PEPD: variants seen among roughly 807,000 people sequenced by gnomAD.
PEPD encodes the protein peptidase D.
PEPD carries 53 observed loss-of-function variants against 60.7 expected under a neutral mutation model. The observed-to-expected ratio is 0.87, with a 90% CI of 0.70 to 1.10. The LOEUF is 1.10. Among genes scored for constraint, PEPD ranks in the 50% least tolerant of loss-of-function variants. PEPD has a pLI of 0.00. For synonymous variants in PEPD, 267 were observed against 284.1 expected (o/e 0.94, Z 0.60); for missense variants, 711 against 711.9 (o/e 1.00, Z 0.01).
At chr19:33,485,209 C>A (rs958093182) in intron 6 of PEPD, among the ~76,000 whole-genome samples, 8 of 152,084 alleles carry the variant, frequency 5.3e-5, no homozygotes, top group African/African-American at 1.9e-4. Context: ...GAAAGCCAAT[C>A]CTGGCTGGGC....
At chr19:33,394,099 G>A (rs1307681395) in intron 12 of PEPD, among the ~76,000 whole-genome samples, 1 of 152,220 alleles carries the variant, frequency 6.6e-6, no homozygotes, top group Non-Finnish European at 1.5e-5. Context: ...CGCTGGGCCT[G>A]GCATAAAGTG....
intron 4 of PEPD, among the ~76,000 whole-genome samples, chr19:33,495,131 G>A (rs1470695387): frequency 6.6e-6 from 1 of 150,896 alleles, no homozygotes; most frequent in African/African-American, 2.4e-5. Flanking sequence ...GCAAGACTCC[G>A]TCTCAAAAAA....
chr19:33,476,286 C>T (rs191904925), intron 7 of PEPD, among the ~76,000 whole-genome samples: 29 of 152,242 alleles, frequency 1.9e-4, no homozygotes, highest in Admixed American at 1.4e-3. Context: ...TCAGTATTAG[C>T]GCCTGTCATC....
chr19:33,509,223 G>A (rs189253884), intron 3 of PEPD, among the ~76,000 whole-genome samples: 178 of 152,358 alleles, frequency 1.2e-3, no homozygotes, highest in African/African-American at 4.2e-3. Context: ...CAGGGCCTCC[G>A]AGGGGCAGCC....
rs118143205 is a variant in PEPD, at chr19:33,461,734, G to A, written c.671+1261C>T. ...ACTTCCCATCCCAGATCCTCGGAGCGGGCAGGGGGTCCTGGGAATGCTGGG... is the reference window on the plus strand; with the variant it reads ...ACTTCCCATCCCAGATCCTCGGAGCAGGCAGGGGGTCCTGGGAATGCTGGG... On this transcript the variant is annotated intron_variant, in intron 9 of 14. Coordinates refer to ENST00000244137, the MANE Select transcript of PEPD (RefSeq NM_000285.4). Among the ~76,000 whole-genome samples the A allele has an allele frequency of 7.9e-5, 12 of 152,282 alleles. No individual in the cohort carries two copies. In the East Asian group the frequency reaches 1.2e-3, roughly 15 times the overall value.
intron 12 of PEPD, among the ~76,000 whole-genome samples, chr19:33,395,564 CCT>C (rs1349185539): frequency 2.6e-5 from 4 of 152,336 alleles, no homozygotes; most frequent in East Asian, 3.9e-4. Flanking sequence ...CAGCGTAGCC[CCT>C]GAGTGGTCTT....
chr19:33,511,808 T>C (rs1349910694), intron 2 of PEPD, among the ~76,000 whole-genome samples: 2 of 152,204 alleles, frequency 1.3e-5, no homozygotes, highest in African/African-American at 2.4e-5. Flanking sequence ...TAGACCTCCA[T>C]GTTTCTCACA....
intron 9 of PEPD, among the ~76,000 whole-genome samples, chr19:33,443,575 T>C (rs1969525808): frequency 6.6e-6 from 1 of 152,206 alleles, no homozygotes; most frequent in Non-Finnish European, 1.5e-5. Context: ...GGCAAATTTC[T>C]TTAAGGATTT....
chr19:33,517,664 G>A (rs556489759), intron 1 of PEPD, among the ~76,000 whole-genome samples: 4 of 151,734 alleles, frequency 2.6e-5, no homozygotes, highest in South Asian at 4.2e-4. Flanking sequence ...AAAGATCTCT[G>A]CACTAGAATG....
chr19:33,403,587 A>AGGGG (rs1415071159), intron 11 of PEPD, among the ~76,000 whole-genome samples: 1 of 152,180 alleles, frequency 6.6e-6, no homozygotes, highest in Admixed American at 6.5e-5. Flanking sequence ...GGAGGGAGCC[A>AGGGG]GGGGGTGGAG....
intron 12 of PEPD, among the ~76,000 whole-genome samples, chr19:33,397,065 G>A (rs896186003): frequency 6.6e-5 from 10 of 152,228 alleles, no homozygotes; most frequent in African/African-American, 1.7e-4. Context: ...CCAACCTCCC[G>A]TGCATGGCAC....
At chr19:33,481,092 T>G (rs1482749090) in intron 6 of PEPD, among the ~76,000 whole-genome samples, 1 of 151,980 alleles carries the variant, frequency 6.6e-6, no homozygotes, top group Non-Finnish European at 1.5e-5. Context: ...AGTAGACTCC[T>G]AAATAACCAA....
At chr19:33,470,789 A>G (rs1257935300) in intron 7 of PEPD, among the ~76,000 whole-genome samples, 1 of 151,762 alleles carries the variant, frequency 6.6e-6, no homozygotes, top group African/African-American at 2.4e-5. Context: ...AACCTTCCCC[A>G]CCCCATGGCA....
rs972139716 is a variant in PEPD at position 33,466,780 on chromosome 19, T to A, written c.549-2718A>T. ...ATGAAAAAAAAAAAAGAAATAAAAA[T>A]TTTTTTCTAATAAAAAAACCATTCT... On this transcript the variant is annotated intron_variant, in intron 7 of 14. Coordinates refer to ENST00000244137, the MANE Select transcript of PEPD (RefSeq NM_000285.4). 3.5e-3 allele frequency among the ~76,000 whole-genome samples: 537 copies of A among 151,712 alleles called. 1 individual carries two copies. The highest frequency in any genetic ancestry group is 6.0e-3 in the Non-Finnish European group (404 of 67,892).
chr19:33,518,269 T>C (rs1048621715), intron 1 of PEPD, among the ~76,000 whole-genome samples: 3 of 152,126 alleles, frequency 2.0e-5, no homozygotes, highest in African/African-American at 7.2e-5. Flanking sequence ...AGTCAGGACC[T>C]GGGGAAGAGC....
intron 3 of PEPD, among the ~76,000 whole-genome samples, chr19:33,502,136 A>G (rs1970724456): frequency 6.6e-6 from 1 of 152,172 alleles, no homozygotes; most frequent in Non-Finnish European, 1.5e-5. Flanking sequence ...GCAAGGGGAA[A>G]GGAACACAAA....
rs1968497278 is a variant in PEPD, at chr19:33,401,764, T to A, written c.924A>T (p.Ala308=). The A allele has an allele frequency of 6.2e-7, 1 of 1,611,162 alleles. No homozygotes were observed. The highest frequency in any genetic ancestry group is 2.2e-5 in the East Asian group (1 of 44,720). The change falls in exon 12 of 15, where the codon GCA becomes GCT. Residue 308 remains alanine, a synonymous_variant. Transcript: ENST00000244137. The stretch of plus-strand genomic sequence containing the variant: ...TGACGGCACGGGAGCTCCGCAGCAC[T>A]GCCTCATAGACGGCCTTCTGGTCTG... The part of the protein sequence containing the change: ...FTADQKAVYE[A]VLRSSRAVMG...
At chr19:33,445,578 C>T (rs867336400) in intron 9 of PEPD, among the ~76,000 whole-genome samples, 2 of 152,214 alleles carry the variant, frequency 1.3e-5, no homozygotes, top group African/African-American at 4.8e-5. Context: ...AGGAGAGAGG[C>T]CTCAGAGAGT....
intron 7 of PEPD, among the ~76,000 whole-genome samples, chr19:33,473,326 C>G (rs972371489): frequency 6.6e-6 from 1 of 152,084 alleles, no homozygotes; most frequent in Admixed American, 6.6e-5. Context: ...TCATCATCTA[C>G]GTATCTTTTC....
Sources: allele counts gnomAD v4.1 joint callset (sites outside exome capture counted in the v4.1 genomes callset), GRCh38; gene constraint gnomAD v4.1.1; transcripts MANE v1.5; gene names NCBI Gene and HGNC (gene_info 2026-07-23, HGNC 2026-07-21).